KLF8: variants seen among roughly 807,000 people sequenced by gnomAD.
KLF8 encodes the protein KLF transcription factor 8, also known as Krueppel-like factor 8.
A neutral mutation model predicts 18.2 loss-of-function variants in KLF8; 10 were observed. The observed-to-expected ratio is 0.55, with a 90% confidence interval of 0.34 to 0.93. The LOEUF (loss-of-function observed/expected upper bound fraction) is 0.93. Ranked by LOEUF, KLF8 falls within the 40% of genes least tolerant of loss-of-function variation. KLF8 has a pLI of 0.02. For missense variants in KLF8, 264 were observed against 277.9 expected (o/e 0.95, Z 0.36); for synonymous variants, 109 against 97.3 (o/e 1.12, Z -0.71).
At chrX:55,945,692 T>C in the KLF8 span, among the ~76,000 whole-genome samples, 14 of 111,033 alleles carry the variant, frequency 1.3e-4, no homozygotes, top group East Asian at 5.6e-4. Context: ...AAAGAGGAAG[T>C]CAAATTGTCC....
the KLF8 span, among the ~76,000 whole-genome samples, chrX:56,207,289 C>G: frequency 2.0e-4 from 22 of 112,640 alleles, no homozygotes; most frequent in Non-Finnish European, 3.6e-4. Context: ...GCTTGAATTT[C>G]TCCTCAGAAA....
the KLF8 span, among the ~76,000 whole-genome samples, chrX:56,076,950 T>G: frequency 8.9e-6 from 1 of 112,124 alleles, no homozygotes; most frequent in East Asian, 2.8e-4. Flanking sequence ...TTTTGAGAAG[T>G]GTCTGTTCAT....
At chrX:56,232,130 G>T (rs1161911218), upstream of KLF8, among the ~76,000 whole-genome samples, 1 of 111,623 alleles carries the variant, frequency 9.0e-6, no homozygotes, top group Non-Finnish European at 1.9e-5. Context: ...ACCCTCCCCT[G>T]GAGAATTAGC....
the KLF8 span, among the ~76,000 whole-genome samples, chrX:56,131,078 C>T: frequency 1.8e-5 from 2 of 111,547 alleles, no homozygotes; most frequent in African/African-American, 3.3e-5. Flanking sequence ...AAGGAATAAT[C>T]AAGAAAAATT....
At chrX:56,028,471 C>A in the KLF8 span, among the ~76,000 whole-genome samples, 1 of 111,550 alleles carries the variant, frequency 9.0e-6, no homozygotes, top group African/African-American at 3.3e-5. Flanking sequence ...CTGCTGTCTG[C>A]AAATCTGAGC....
At chrX:55,950,022 A>G in the KLF8 span, among the ~76,000 whole-genome samples, 2 of 111,342 alleles carry the variant, frequency 1.8e-5, no homozygotes, top group Admixed American at 1.9e-4. Flanking sequence ...TCCAAACTGG[A>G]GTATTAAAGC....
chrX:56,117,032 T>C, the KLF8 span, among the ~76,000 whole-genome samples: 1 of 110,507 alleles, frequency 9.0e-6, no homozygotes, highest in Non-Finnish European at 1.9e-5. Context: ...TCCCAGCTGT[T>C]TGGGAGACTG....
chrX:55,934,215 T>C, the KLF8 span, among the ~76,000 whole-genome samples: 3 of 111,925 alleles, frequency 2.7e-5, no homozygotes, highest in African/African-American at 9.7e-5. Flanking sequence ...TGTATTTCTG[T>C]TACCTATCAG....
chrX:56,114,594 C>A, the KLF8 span, among the ~76,000 whole-genome samples: 68 of 112,696 alleles, frequency 6.0e-4, no homozygotes, highest in African/African-American at 1.9e-3. Context: ...AGTGGAATGA[C>A]CGTCCTCATA....
At chrX:56,071,139 C>G in the KLF8 span, among the ~76,000 whole-genome samples, 178 of 111,721 alleles carry the variant, frequency 1.6e-3, no homozygotes, top group African/African-American at 5.5e-3. Context: ...ATAACCTCAG[C>G]AGAAGCATTT....
the KLF8 span, among the ~76,000 whole-genome samples, chrX:56,051,726 T>A: frequency 5.5e-5 from 6 of 108,483 alleles, no homozygotes; most frequent in African/African-American, 2.1e-4. Flanking sequence ...TCAACTTTGG[T>A]GAATCTGACA....
chrX:56,017,265 G>C, the KLF8 span, among the ~76,000 whole-genome samples: 1 of 112,234 alleles, frequency 8.9e-6, no homozygotes, highest in African/African-American at 3.2e-5. Flanking sequence ...TGTAGCAGTT[G>C]GTATGTATGC....
At chrX:56,020,249 T>C in the KLF8 span, among the ~76,000 whole-genome samples, 1 of 111,028 alleles carries the variant, frequency 9.0e-6, no homozygotes, top group East Asian at 2.8e-4. Context: ...AGATAAGAGC[T>C]CTGGGGAAAA....
the KLF8 span, among the ~76,000 whole-genome samples, chrX:55,938,104 A>G: frequency 1.8e-5 from 2 of 111,725 alleles, no homozygotes; most frequent in East Asian, 2.8e-4. Context: ...GAAGGAAAAA[A>G]TGTTAAGGGC....
Position 56,270,176 on chromosome X carries a change from G to A in KLF8, c.759-6G>A. On this transcript the variant is annotated splice_region_variant and splice_polypyrimidine_tract_variant and intron_variant, in intron 4 of 5. Coordinates refer to ENST00000468660, the MANE Select transcript of KLF8 (RefSeq NM_007250.5). ...TGTTTGGCTTTATCTCTATTTCTTT[G>A]ATCAGACCAGCAGCAATGGCCCAAA... 8.3e-7 allele frequency: 1 copy of A among 1,200,912 alleles called. No individual in the cohort carries two copies. Among genetic ancestry groups the A allele is most frequent in the South Asian group, 1.8e-5 (1 of 54,857 alleles).
chrX:56,112,731 A>C, the KLF8 span, among the ~76,000 whole-genome samples: 7 of 111,962 alleles, frequency 6.3e-5, no homozygotes, highest in Non-Finnish European at 1.3e-4. Flanking sequence ...CTGCCAGTTC[A>C]AATATGCTTT....
the KLF8 span, among the ~76,000 whole-genome samples, chrX:55,986,519 C>T: frequency 5.4e-5 from 6 of 111,527 alleles, no homozygotes; most frequent in East Asian, 1.7e-3. Flanking sequence ...CTAGTCAGTC[C>T]CAGTATGAGA....
chrX:56,262,032 A>G (rs1025677961), intron 2 of KLF8, among the ~76,000 whole-genome samples: 1 of 112,120 alleles, frequency 8.9e-6, no homozygotes, highest in Non-Finnish European at 1.9e-5. Flanking sequence ...ATATGTACAG[A>G]AAAAAGTATG....
At chrX:56,044,813 G>A in the KLF8 span, among the ~76,000 whole-genome samples, 1 of 112,597 alleles carries the variant, frequency 8.9e-6, no homozygotes, top group Non-Finnish European at 1.9e-5. Flanking sequence ...CTGTGGAAGA[G>A]GAGACTGCAG....
Sources: gnomAD v4.1 joint callset for allele counts (sites outside exome capture counted in the v4.1 genomes callset) on GRCh38, gnomAD v4.1.1 for gene constraint, MANE v1.5 for transcripts, NCBI Gene and HGNC (gene_info 2026-07-23, HGNC 2026-07-21) for gene names.